ADAM29: variants seen among roughly 807,000 people sequenced by gnomAD.
The protein encoded by ADAM29 is disintegrin and metalloproteinase domain-containing protein 29.
For missense variants in ADAM29, 969 were observed against 1,001.8 expected (o/e 0.97, Z 0.44); for synonymous variants, 367 against 342.3 (o/e 1.07, Z -0.80).
rs200539665 is a variant in ADAM29, at chr4:174,964,903, C to CA, written c.-180-10435dup. On this transcript the variant is annotated intron_variant, in intron 4 of 4. Coordinates refer to ENST00000359240, the MANE Select transcript of ADAM29 (RefSeq NM_014269.4). ...ATAAGTGTTTGGCCAGGTGAGTAGG[C>CA]AAAAAAAATAAAAAATAAAAAACAC... 3.0e-3 allele frequency among the ~76,000 whole-genome samples: 442 copies of CA among 149,556 alleles called. 4 individuals carry two copies. Among genetic ancestry groups the CA allele is most frequent in the Admixed American group, 0.022 (338 of 15,076 alleles).
intron 4 of ADAM29, among the ~76,000 whole-genome samples, chr4:174,952,379 CA>C (rs1745230143): frequency 6.6e-6 from 1 of 150,634 alleles, no homozygotes; most frequent in Non-Finnish European, 1.5e-5. Context: ...CACACACACA[CA>C]CCTTAATTAC....
intron 4 of ADAM29, among the ~76,000 whole-genome samples, chr4:174,953,213 G>GCT: frequency 6.6e-6 from 1 of 152,092 alleles, no homozygotes; most frequent in Non-Finnish European, 1.5e-5. Context: ...ATGAACCCAG[G>GCT]AGGCGGAGCT....
At chr4:174,961,536 T>A (rs1283450482) in intron 4 of ADAM29, among the ~76,000 whole-genome samples, 4 of 152,094 alleles carry the variant, frequency 2.6e-5, no homozygotes, top group African/African-American at 9.6e-5. Context: ...ATGAGAAAGA[T>A]TCCATACCAA....
intron 4 of ADAM29, among the ~76,000 whole-genome samples, chr4:174,940,420 A>G (rs774203850): frequency 6.6e-6 from 1 of 152,206 alleles, no homozygotes; most frequent in Non-Finnish European, 1.5e-5. Flanking sequence ...ACATATGCCT[A>G]TAGGGTCCAT....
chr4:174,957,919 A>C (rs1055487370), intron 4 of ADAM29, among the ~76,000 whole-genome samples: 11 of 151,936 alleles, frequency 7.2e-5, no homozygotes, highest in African/African-American at 2.6e-4. Context: ...TGAGCTTTTG[A>C]TCTTACAAGA....
chr4:174,949,929 T>C (rs1745075718), intron 4 of ADAM29, among the ~76,000 whole-genome samples: 1 of 152,132 alleles, frequency 6.6e-6, no homozygotes, highest in South Asian at 2.1e-4. Flanking sequence ...TATGGATTAT[T>C]AACATTTCCT....
At chr4:174,972,964 C>A (rs775265052) in intron 4 of ADAM29, among the ~76,000 whole-genome samples, 20 of 152,186 alleles carry the variant, frequency 1.3e-4, no homozygotes, top group Non-Finnish European at 2.5e-4. Flanking sequence ...CTAGACTGTG[C>A]CAGACCCATT....
intron 4 of ADAM29, among the ~76,000 whole-genome samples, chr4:174,943,708 A>G (rs1744679856): frequency 6.6e-6 from 1 of 152,154 alleles, no homozygotes; most frequent in Admixed American, 6.5e-5. Flanking sequence ...AACCATATTA[A>G]GGACCTTCTT....
chr4:174,947,843 G>A (rs1579042365), intron 4 of ADAM29, among the ~76,000 whole-genome samples: 1 of 152,280 alleles, frequency 6.6e-6, no homozygotes, highest in East Asian at 1.9e-4. Context: ...AATTGGAGGT[G>A]AAGTTTCCCA....
chr4:174,943,814 A>G (rs898366494), intron 4 of ADAM29, among the ~76,000 whole-genome samples: 1 of 7,126 alleles, frequency 1.4e-4, no homozygotes, highest in Non-Finnish European at 2.4e-4. Flanking sequence ...ACAAATGTAC[A>G]GGAAAAAAAA....
intron 4 of ADAM29, among the ~76,000 whole-genome samples, chr4:174,968,771 C>A (rs898872063): frequency 1.1e-4 from 17 of 148,800 alleles, no homozygotes; most frequent in South Asian, 8.6e-4. Context: ...CACTTTCCGC[C>A]CACACACACA....
chr4:174,941,629 C>A (rs1031012232), intron 4 of ADAM29, among the ~76,000 whole-genome samples: 1 of 152,104 alleles, frequency 6.6e-6, no homozygotes, highest in African/African-American at 2.4e-5. Context: ...AGTTCACCCC[C>A]ATGATCAAAT....
intron 1 of ADAM29, among the ~76,000 whole-genome samples, chr4:174,920,449 T>C (rs1743102062): frequency 6.6e-6 from 1 of 152,186 alleles, no homozygotes; most frequent in African/African-American, 2.4e-5. Context: ...GGGAAGCTCA[T>C]GGCCCCCTAA....
chr4:174,978,125 T>C lies in ADAM29; in HGVS notation c.*137T>C. 7.3e-7 allele frequency: 1 copy of C among 1,371,702 alleles called. No homozygotes were observed. The highest frequency in any genetic ancestry group is 1.0e-6 in the Non-Finnish European group (1 of 1,001,486). The allele number at this position is 1,371,702 out of a possible 1,614,324, so 85.0% of individuals were successfully genotyped here. On this transcript the variant is annotated 3_prime_UTR_variant, in exon 5 of 5. Coordinates refer to ENST00000359240, the MANE Select transcript of ADAM29 (RefSeq NM_014269.4). ...AAAAGTGGTAAACAAAAGCAATCAGTACCAATTCCAAAAACTGTATCCAGA... is the reference window on the plus strand; with the variant it reads ...AAAAGTGGTAAACAAAAGCAATCAGCACCAATTCCAAAAACTGTATCCAGA...
At chr4:174,958,645 A>G (rs1745640537) in intron 4 of ADAM29, among the ~76,000 whole-genome samples, 1 of 151,814 alleles carries the variant, frequency 6.6e-6, no homozygotes, top group South Asian at 2.1e-4. Context: ...TTACTCATAT[A>G]TTTATGTTAA....
rs1742982009 is a variant in ADAM29, at chr4:174,918,377, C to T, written c.-651C>T. ...TCCTTTGTGACATCACATCCACTAA[C>T]CAAATGGGGTGGTGTGAGTATCTCC... On this transcript the variant is annotated 5_prime_UTR_variant, in exon 1 of 5. Transcript: ENST00000359240. The T allele has an allele frequency of 1.3e-5, 2 of 152,144 alleles. No homozygotes were observed. Among genetic ancestry groups the T allele is most frequent in the Non-Finnish European group, 2.9e-5 (2 of 68,024 alleles). 9.4% of individuals were successfully genotyped at this position (152,144 alleles called of 1,614,324 possible).
chr4:174,969,612 T>C (rs1398401958), intron 4 of ADAM29, among the ~76,000 whole-genome samples: 1 of 151,956 alleles, frequency 6.6e-6, no homozygotes, highest in Admixed American at 6.6e-5. Context: ...TTTATAGTAA[T>C]GTACATACAT....
At chr4:174,953,643 A>G (rs1745317389) in intron 4 of ADAM29, among the ~76,000 whole-genome samples, 1 of 152,192 alleles carries the variant, frequency 6.6e-6, no homozygotes, top group Admixed American at 6.5e-5. Flanking sequence ...AAAACCCACA[A>G]TACAAACATT....
Position 174,975,418 on chromosome 4 carries a change from C to T in ADAM29, c.-108C>T. Reference sequence around the variant, plus strand: ...GATTAGCACTACACACTGACCAACTCAGAAGAAGGAGCCACACCACCTGTG... The same window carrying T: ...GATTAGCACTACACACTGACCAACTTAGAAGAAGGAGCCACACCACCTGTG... On this transcript the variant is annotated 5_prime_UTR_variant, in exon 5 of 5. Transcript: ENST00000359240. 8.6e-7 allele frequency: 1 copy of T among 1,162,024 alleles called. No homozygotes were observed. The highest frequency in any genetic ancestry group is 1.2e-6 in the Non-Finnish European group (1 of 850,902). The allele number at this position is 1,162,024 out of a possible 1,614,324, so 72.0% of individuals were successfully genotyped here.
Sources: allele counts gnomAD v4.1 joint callset (sites outside exome capture counted in the v4.1 genomes callset), GRCh38; gene constraint gnomAD v4.1.1; transcripts MANE v1.5; gene names NCBI Gene and HGNC (gene_info 2026-07-23, HGNC 2026-07-21).